KAT6B: variants seen among roughly 807,000 people sequenced by gnomAD.
KAT6B encodes the protein histone acetyltransferase KAT6B.
Under a neutral mutation model 187.5 loss-of-function variants are expected in KAT6B, and 10 were observed. The observed-to-expected ratio is 0.05, with a 90% CI of 0.03 to 0.09. The LOEUF is 0.09. Ranked by LOEUF, KAT6B falls within the 10% of genes least tolerant of loss-of-function variation. The pLI, the probability that KAT6B is intolerant of heterozygous loss-of-function variation, is 1.00. For missense variants in KAT6B, 1,952 were observed against 2,558.9 expected, an observed-to-expected ratio of 0.76 and a Z score of 5.12; for synonymous variants, 861 against 926.8, an observed-to-expected ratio of 0.93 and a Z score of 1.29.
Position 74,838,169 on chromosome 10 carries a change from C to T in KAT6B, c.-328-514C>T, listed in dbSNP as rs867800243. Among the ~76,000 whole-genome samples the T allele has an allele frequency of 9.2e-5, 14 of 152,098 alleles. 1 individual carries two copies. Among genetic ancestry groups the T allele is most frequent in the Admixed American group, 8.5e-4 (13 of 15,260 alleles). ...ATATTTACTATTATGTAAACTGGTA[C>T]GTTTTTCTTGTAGGTGAGCTTATTG... On this transcript the variant is annotated intron_variant, in intron 1 of 17. Transcript: ENST00000287239.
In KAT6B at chr10:74,984,677, C is replaced by T. The variant is rs184727687; in HGVS notation, c.2374-403C>T. 1,071 of 193,688 alleles carry T rather than the reference C, an allele frequency of 5.5e-3. 15 individuals carry two copies. Among genetic ancestry groups the T allele is most frequent in the East Asian group, 0.031 (234 of 7,562 alleles). The allele number at this position is 193,688 out of a possible 1,614,324, so 12.0% of individuals were successfully genotyped here. On this transcript the variant is annotated intron_variant, in intron 11 of 17. Transcript: ENST00000287239. Reference sequence around the variant, plus strand: ...TTTATGTGAAACCCTTTTGAAACAACATAAAGTTTAACTTACTTGAGAAGT... The same window carrying T: ...TTTATGTGAAACCCTTTTGAAACAATATAAAGTTTAACTTACTTGAGAAGT...
chr10:74,918,333 T>A (rs919020940), intron 3 of KAT6B, among the ~76,000 whole-genome samples: 3 of 152,246 alleles, frequency 2.0e-5, no homozygotes, highest in African/African-American at 7.2e-5. Flanking sequence ...GCAATATGTT[T>A]GAACTAACAT....
At chr10:74,950,338 A>G (rs1840233368) in intron 3 of KAT6B, among the ~76,000 whole-genome samples, 1 of 152,232 alleles carries the variant, frequency 6.6e-6, no homozygotes, top group South Asian at 2.1e-4. Context: ...AAGTAGACCC[A>G]GGGCTGCTCT....
intron 13 of KAT6B, among the ~76,000 whole-genome samples, chr10:74,992,934 A>G (rs1014102116): frequency 6.6e-6 from 1 of 152,172 alleles, no homozygotes; most frequent in African/African-American, 2.4e-5. Context: ...GAGAGTGACT[A>G]TCGTGGATTG....
intron 3 of KAT6B, among the ~76,000 whole-genome samples, chr10:74,853,913 C>T (rs1842651444): frequency 6.6e-6 from 1 of 152,032 alleles, no homozygotes; most frequent in South Asian, 2.1e-4. Flanking sequence ...AGAGGCATGC[C>T]CCACCACGCC....
intron 3 of KAT6B, among the ~76,000 whole-genome samples, chr10:74,959,657 G>A (rs1208606869): frequency 3.9e-5 from 6 of 152,244 alleles, no homozygotes; most frequent in African/African-American, 2.4e-5. Flanking sequence ...AGGCATAGTG[G>A]CGCGCATCTG....
chr10:74,963,438 A>G (rs994582828), intron 4 of KAT6B, among the ~76,000 whole-genome samples: 3 of 152,188 alleles, frequency 2.0e-5, no homozygotes, highest in Non-Finnish European at 4.4e-5. Flanking sequence ...TTACAGCATC[A>G]TTCTAAGTGG....
intron 3 of KAT6B, among the ~76,000 whole-genome samples, chr10:74,884,045 A>C (rs1845055686): frequency 6.6e-6 from 1 of 152,204 alleles, no homozygotes; most frequent in South Asian, 2.1e-4. Context: ...TGGAGATGGG[A>C]GAGAAAAAGA....
chr10:74,973,243 A>G (rs1841957557), intron 7 of KAT6B, among the ~76,000 whole-genome samples: 1 of 152,228 alleles, frequency 6.6e-6, no homozygotes, highest in African/African-American at 2.4e-5. Context: ...ATCTACTATG[A>G]TAACCCCATT....
At chr10:74,969,991 CAATT>C in intron 5 of KAT6B, 25 bp from the exon 6 acceptor site, 2 of 1,516,894 alleles carry the variant, frequency 1.3e-6, no homozygotes, top group Non-Finnish European at 9.2e-7. Flanking sequence ...GTTTCAGTCT[CAATT>C]AGTCTCTAAT....
At chr10:75,019,268 T>C (rs1162202046) in intron 13 of KAT6B, among the ~76,000 whole-genome samples, 1 of 152,218 alleles carries the variant, frequency 6.6e-6, no homozygotes, top group Non-Finnish European at 1.5e-5. Flanking sequence ...AACCTGAAGT[T>C]AAATTTACGC....
chr10:74,825,744 T>G (rs1487836475), upstream of KAT6B: 1 of 151,690 alleles, frequency 6.6e-6, no homozygotes, highest in Non-Finnish European at 1.5e-5. The surrounding 1 kb of genome is among the most constrained non-coding windows in gnomAD (Gnocchi z 5.0). Flanking sequence ...CGGGCGAGTG[T>G]GGAGCCGGGG....
At chr10:74,977,181 T>G in intron 8 of KAT6B, 135 bp from the exon 9 acceptor site, 1 of 856,160 alleles carries the variant, frequency 1.2e-6, no homozygotes, top group Non-Finnish European at 1.8e-6. Context: ...TGCTTAGATG[T>G]AAAAGCTTAT....
At chr10:74,981,658 G>A (rs1017480864) in intron 10 of KAT6B, 129 bp from the exon 11 acceptor site, 1 of 714,048 alleles carries the variant, frequency 1.4e-6, no homozygotes, top group Non-Finnish European at 2.5e-6. Context: ...ACAGGTGTGA[G>A]CCACTGCACC....
chr10:74,867,900 C>A (rs1158427531), intron 3 of KAT6B, among the ~76,000 whole-genome samples: 1 of 152,112 alleles, frequency 6.6e-6, no homozygotes, highest in Non-Finnish European at 1.5e-5. Flanking sequence ...GTTTTCTGTT[C>A]TGATGGAAGT....
chr10:74,867,203 GTTGCCTGACTCTCGAAGC>G (rs1432486086), intron 3 of KAT6B, among the ~76,000 whole-genome samples: 4 of 152,140 alleles, frequency 2.6e-5, no homozygotes, highest in Non-Finnish European at 5.9e-5. Flanking sequence ...GATATGCAGT[GTTGCCTGACTCTCGAAGC>G]ATAATAAAGC....
At chr10:74,871,556 G>A (rs111779212) in intron 3 of KAT6B, among the ~76,000 whole-genome samples, 3,538 of 152,268 alleles carry the variant, frequency 0.023, 140 homozygotes, top group African/African-American at 0.08. Flanking sequence ...TACAAGCTGG[G>A]CATGGTGGCT....
intron 1 of KAT6B, among the ~76,000 whole-genome samples, chr10:74,833,358 C>T (rs542813408): frequency 5.6e-4 from 85 of 152,184 alleles, no homozygotes; most frequent in African/African-American, 2.0e-3. Context: ...TACCCTGGCT[C>T]CAAAGACCTG....
At position 74,972,765 on chromosome 10, in the gene KAT6B, A is replaced by G. The variant is rs991966592; in HGVS notation, c.1061+126A>G. 8.1e-5 allele frequency: 74 copies of G among 919,180 alleles called. No homozygotes were observed. In the African/African-American group the frequency reaches 1.1e-3, roughly 14 times the overall value. 56.9% of individuals were successfully genotyped at this position (919,180 alleles called of 1,614,324 possible). On this transcript the variant is annotated intron_variant, in intron 7 of 17. Transcript: ENST00000287239. ...TTTTCAAACTCAAGGGTTGAAAAAT[A>G]CTTTTCCTTTTGCATAAGCTGTGGA...
Sources: gnomAD v4.1 joint callset for allele counts (sites outside exome capture counted in the v4.1 genomes callset) on GRCh38, gnomAD v4.1.1 for gene constraint, Gnocchi (gnomAD v3.1) non-coding constraint, MANE v1.5 for transcripts, NCBI Gene and HGNC (gene_info 2026-07-23, HGNC 2026-07-21) for gene names.